ARHGEF17: variants seen among roughly 807,000 people sequenced by gnomAD.
The protein encoded by ARHGEF17 is 164 kDa Rho-specific guanine-nucleotide exchange factor.
In ARHGEF17, 80 loss-of-function variants were observed where a neutral mutation model predicts 174.0. The observed-to-expected ratio is 0.46, with a 90% CI of 0.38 to 0.55. The LOEUF (loss-of-function observed/expected upper bound fraction) is 0.55. ARHGEF17 is among the 20% of genes least tolerant of loss of function. The pLI is 0.00. For synonymous variants in ARHGEF17, 1,311 were observed against 1,189.1 expected (o/e 1.10, Z -2.11); for missense variants, 2,886 against 2,839.7 (o/e 1.02, Z -0.37).
chr11:73,358,972 C>T (rs542692820), intron 9 of ARHGEF17, among the ~76,000 whole-genome samples: 1 of 152,260 alleles, frequency 6.6e-6, no homozygotes. Flanking sequence ...AGTTACAAAG[C>T]GTGCCCTCCC....
At position 73,310,957 on chromosome 11, in the gene ARHGEF17, A is replaced by G; in HGVS notation, c.2319A>G (p.Ser773=). 1.9e-6 allele frequency: 3 copies of G among 1,614,120 alleles called. No individual in the cohort carries two copies. Among genetic ancestry groups the G allele is most frequent in the Non-Finnish European group, 2.5e-6 (3 of 1,180,008 alleles). ...CCAAGACAGGGCTCCCTGCCACCTC[A>G]GCCATGGATGAGGGCTTGACCAGTG... is the stretch of plus-strand genomic sequence containing the variant. ...LSPKTGLPAT[S]AMDEGLTSGH... The change falls in exon 1 of 21, where the codon TCA becomes TCG. Residue 773 remains serine, a synonymous_variant. Transcript: ENST00000263674.
chr11:73,365,210 T>G lies in ARHGEF17; in HGVS notation c.5551-180T>G. On this transcript the variant is annotated intron_variant, in intron 18 of 20. Transcript: ENST00000263674. This position sits in a 1 kb window ranked among gnomAD's most constrained non-coding sequence, Gnocchi z 4.9. ...GTTTAATGGGGAAAAAGCACCTCCA[T>G]TGTAATTCCTGAGAACTAAGTTGGG... 3.1e-6 allele frequency: 2 copies of G among 640,002 alleles called. No individual in the cohort carries two copies. Among genetic ancestry groups the G allele is most frequent in the Non-Finnish European group, 5.4e-6 (2 of 372,888 alleles). 39.6% of individuals were successfully genotyped at this position (640,002 alleles called of 1,614,324 possible). A position where few individuals can be genotyped will look rare whatever the true frequency, so the allele number is the denominator to read the frequency against.
Position 73,365,730 on chromosome 11 carries a change from G to A in ARHGEF17, c.5778G>A (p.Ala1926=), listed in dbSNP as rs528855605. Reference sequence around the variant, plus strand: ...AGGCTGCCTGTCTGCGAATCACAGCGCTGCTGGTGTGTGAGGAGCTGCTGT... The same window carrying A: ...AGGCTGCCTGTCTGCGAATCACAGCACTGCTGGTGTGTGAGGAGCTGCTGT... The part of the protein sequence containing the change: ...QHKAACLRIT[A]LLVCEELLWV... The change falls in exon 20 of 21, where the codon GCG becomes GCA. Residue 1926 remains alanine, a synonymous_variant. Transcript: ENST00000263674. The surrounding 1 kb of genome is among the most constrained non-coding windows in gnomAD (Gnocchi z 4.9). The A allele has an allele frequency of 2.4e-5, 38 of 1,613,658 alleles. No individual in the cohort carries two copies. In the African/African-American group the frequency reaches 3.9e-4, roughly 16 times the overall value.
intron 9 of ARHGEF17, among the ~76,000 whole-genome samples, chr11:73,358,507 G>C (rs1400386516): frequency 6.9e-6 from 1 of 145,374 alleles, no homozygotes; most frequent in Non-Finnish European, 1.5e-5. Context: ...TGCCAAGCTG[G>C]AGTGCAGTGG....
At position 73,308,395 on chromosome 11, in the gene ARHGEF17, C is replaced by G. The variant is rs1864725722; in HGVS notation, c.-244C>G. The G allele has an allele frequency of 5.1e-6, 2 of 389,692 alleles. No homozygotes were observed. The highest frequency in any genetic ancestry group is 9.1e-6 in the Non-Finnish European group (2 of 220,662). The allele number at this position is 389,692 out of a possible 1,614,324, so 24.1% of individuals were successfully genotyped here. A position where few individuals can be genotyped will look rare whatever the true frequency, so the allele number is the denominator to read the frequency against. ...GTGCCCCTGGTCGCTCCAGCCGCGG[C>G]GGGGGCTGGGCCTGGGGGTCGGCGC... is the stretch of plus-strand genomic sequence containing the variant. On this transcript the variant is annotated 5_prime_UTR_variant, in exon 1 of 21. Coordinates refer to ENST00000263674, the MANE Select transcript of ARHGEF17 (RefSeq NM_014786.4).
intron 1 of ARHGEF17, among the ~76,000 whole-genome samples, chr11:73,319,549 A>G (rs143718123): frequency 2.6e-5 from 4 of 152,290 alleles, no homozygotes; most frequent in Admixed American, 2.6e-4. Context: ...TATTCTTTCT[A>G]CTGCACAGAT....
chr11:73,334,427 G>C (rs1865255566), intron 1 of ARHGEF17, among the ~76,000 whole-genome samples: 1 of 152,168 alleles, frequency 6.6e-6, no homozygotes. Context: ...GACCAGCCTG[G>C]CTAGAGGAGA....
In ARHGEF17 at chr11:73,360,461, A is replaced by G. The variant is rs1865719211; in HGVS notation, c.4348A>G (p.Ile1450Val). 6.2e-7 allele frequency: 1 copy of G among 1,613,906 alleles called. No individual in the cohort carries two copies. The highest frequency in any genetic ancestry group is 1.3e-5 in the African/African-American group (1 of 74,926). ...ATRPEGTDSY[I>V]FEFPHPDARL... ...TCGGCCCGAGGGCACCGACTCCTAC[A>G]TTTTTGAGTTCCCTCACCCTGACGC... The change falls in exon 11 of 21, where the codon ATT (isoleucine) becomes GTT (valine). Residue 1450 changes from isoleucine (I) to valine (V), a missense_variant. Ile to Val is a conservative substitution (Grantham distance 29). Transcript: ENST00000263674.
chr11:73,342,875 G>A (rs1484587957), intron 1 of ARHGEF17: 1 of 155,876 alleles, frequency 6.4e-6, no homozygotes, highest in Non-Finnish European at 1.4e-5. Flanking sequence ...GAGAGGGCGG[G>A]GACCCTCCTC....
At position 73,367,839 on chromosome 11, in the gene ARHGEF17, C is replaced by T. The variant is rs1865867429; in HGVS notation, c.*59C>T. 3 of 1,525,418 alleles carry T rather than the reference C, an allele frequency of 2.0e-6. No individual in the cohort carries two copies. The highest frequency in any genetic ancestry group is 2.7e-6 in the Non-Finnish European group (3 of 1,121,318). The allele number at this position is 1,525,418 out of a possible 1,614,324, so 94.5% of individuals were successfully genotyped here. The stretch of plus-strand genomic sequence containing the variant: ...ACCTGCCTTCAGCCTGCTTGCCTCT[C>T]CCTAGCCCACACGCAGACTTTGACC... On this transcript the variant is annotated 3_prime_UTR_variant, in exon 21 of 21. Transcript: ENST00000263674.
chr11:73,334,556 T>C (rs942838290), intron 1 of ARHGEF17, among the ~76,000 whole-genome samples: 3 of 152,130 alleles, frequency 2.0e-5, no homozygotes, highest in Non-Finnish European at 4.4e-5. Context: ...CAGCCTCTTT[T>C]GGCTGTGGGG....
chr11:73,326,718 C>T (rs1865107841), intron 1 of ARHGEF17, among the ~76,000 whole-genome samples: 1 of 152,000 alleles, frequency 6.6e-6, no homozygotes, highest in African/African-American at 2.4e-5. Flanking sequence ...GAAACTCCGT[C>T]TCAAAAAATT....
Position 73,362,744 on chromosome 11 carries a change from G to A in ARHGEF17, c.4996+10G>A. 6.3e-7 allele frequency: 1 copy of A among 1,594,716 alleles called. No homozygotes were observed. ...TCCTCCAGCTTTGGCAGTGAGCTTT[G>A]GCCATCTCCTCCAACTTGGCCTTGG... On this transcript the variant is annotated intron_variant, in intron 14 of 20. Transcript: ENST00000263674.
In ARHGEF17 at chr11:73,365,166, T is replaced by G. The variant is rs887107936; in HGVS notation, c.5551-224T>G. The G allele has an allele frequency of 1.0e-5, 6 of 580,474 alleles. No individual in the cohort carries two copies. The highest frequency in any genetic ancestry group is 1.5e-5 in the Non-Finnish European group (5 of 327,724). 36.0% of individuals were successfully genotyped at this position (580,474 alleles called of 1,614,324 possible). ...GAACCCTTTAAGCATTGAAGTTCTCTGATCCTTAAATCACTCAAGTTTAAT... is the reference window on the plus strand; with the variant it reads ...GAACCCTTTAAGCATTGAAGTTCTCGGATCCTTAAATCACTCAAGTTTAAT... On this transcript the variant is annotated intron_variant, in intron 18 of 20. Coordinates refer to ENST00000263674, the MANE Select transcript of ARHGEF17 (RefSeq NM_014786.4). This position sits in a 1 kb window ranked among gnomAD's most constrained non-coding sequence, Gnocchi z 4.9.
Position 73,309,336 on chromosome 11 carries a change from C to T in ARHGEF17, c.698C>T (p.Ser233Phe), listed in dbSNP as rs1864761388. ...PQAGARASCS[S>F]SSIAASYPVS... ...GCCGGGGCCCGGGCCTCCTGCTCCT[C>T]CTCCTCCATCGCCGCCTCCTATCCT... Residue 233 changes from serine (S) to phenylalanine (F), a missense_variant, in exon 1 of 21, where the codon TCC becomes TTC. Ser to Phe is a radical substitution (Grantham distance 155). Transcript: ENST00000263674. The T allele has an allele frequency of 1.9e-6, 3 of 1,610,412 alleles. No homozygotes were observed. Among genetic ancestry groups the T allele is most frequent in the Admixed American group, 1.7e-5 (1 of 59,796 alleles).
chr11:73,324,781 T>A lies in ARHGEF17; in HGVS notation c.3192+12951T>A, dbSNP rs2027762. 4.9e-3 allele frequency among the ~76,000 whole-genome samples: 748 copies of A among 152,340 alleles called. 6 individuals carry two copies. Among genetic ancestry groups the A allele is most frequent in the African/African-American group, 0.017 (711 of 41,576 alleles). ...GATTTTGCTTTGGACATAGTGATCCTACTGGATTCACAGTCCATGGTCTGA... is the reference window on the plus strand; with the variant it reads ...GATTTTGCTTTGGACATAGTGATCCAACTGGATTCACAGTCCATGGTCTGA... On this transcript the variant is annotated intron_variant, in intron 1 of 20. Coordinates refer to ENST00000263674, the MANE Select transcript of ARHGEF17 (RefSeq NM_014786.4).
At chr11:73,327,765 G>A (rs2135793878) in intron 1 of ARHGEF17, among the ~76,000 whole-genome samples, 1 of 152,260 alleles carries the variant, frequency 6.6e-6, no homozygotes, top group African/African-American at 2.4e-5. Flanking sequence ...CAAGGGCCAG[G>A]TCATTGAGAC....
rs774207777 is a variant in ARHGEF17 at position 73,362,142 on chromosome 11, C to T, written c.4597C>T (p.Leu1533=). Residue 1533 remains leucine, a synonymous_variant, in exon 13 of 21, where the codon CTG becomes TTG. Transcript: ENST00000263674. Reference sequence around the variant, plus strand: ...CGTGGGCCAGGTGTGCCTGCTGAGCCTGCGCGCCGAGCCGGACGTGGAGGC... The same window carrying T: ...CGTGGGCCAGGTGTGCCTGCTGAGCTTGCGCGCCGAGCCGGACGTGGAGGC... ...GYVGQVCLLS[L]RAEPDVEACI... 5.6e-6 allele frequency: 9 copies of T among 1,609,946 alleles called. No homozygotes were observed. In the East Asian group the frequency reaches 1.1e-4, roughly 20 times the overall value.
At chr11:73,338,259 T>G (rs1591740406) in intron 1 of ARHGEF17, among the ~76,000 whole-genome samples, 1 of 152,040 alleles carries the variant, frequency 6.6e-6, no homozygotes. Context: ...CCCCAAGAAG[T>G]GAAGTGTCCT....
Sources: allele counts gnomAD v4.1 joint callset (sites outside exome capture counted in the v4.1 genomes callset), GRCh38; gene constraint gnomAD v4.1.1; non-coding constraint Gnocchi (gnomAD v3.1); transcripts MANE v1.5; gene names NCBI Gene and HGNC (gene_info 2026-07-23, HGNC 2026-07-21).